Variants in CAMSAP1 observed in about 807,000 individuals in gnomAD.
CAMSAP1 encodes calmodulin regulated spectrin associated protein 1.
Under a neutral mutation model 143.5 loss-of-function variants are expected in CAMSAP1, and 58 were observed. The ratio of observed to expected loss-of-function variants is 0.40; its 90% CI spans 0.33 to 0.50. CAMSAP1 has a LOEUF of 0.50. CAMSAP1 is among the 20% of genes least tolerant of loss of function. The pLI, the probability that CAMSAP1 is intolerant of heterozygous loss-of-function variation, is 0.45. For missense variants in CAMSAP1, 1,969 were observed against 2,115.7 expected (o/e 0.93, Z 1.36); for synonymous variants, 945 against 859.3 (o/e 1.10, Z -1.74).
intron 3 of CAMSAP1, among the ~76,000 whole-genome samples, chr9:135,877,877 G>C (rs776214791): frequency 6.6e-6 from 1 of 152,142 alleles, no homozygotes; most frequent in Non-Finnish European, 1.5e-5. Context: ...AAAATAAAAA[G>C]AGCCCCTGCA....
intron 7 of CAMSAP1, chr9:135,836,649 C>T (rs188850304): frequency 5.2e-4 from 508 of 983,230 alleles, no homozygotes; most frequent in Non-Finnish European, 6.0e-4. Flanking sequence ...CACATCATCA[C>T]GCACTTTCTA....
At position 135,808,626 on chromosome 9, in the gene CAMSAP1, G is replaced by A. The variant is rs149592841; in HGVS notation, c.*2683C>T. 2.6e-5 allele frequency: 4 copies of A among 152,364 alleles called. No individual in the cohort carries two copies. In the East Asian group the frequency reaches 7.7e-4, roughly 29 times the overall value. 9.4% of individuals were successfully genotyped at this position (152,364 alleles called of 1,614,324 possible). A position where few individuals can be genotyped will look rare whatever the true frequency, so the allele number is the denominator to read the frequency against. On this transcript the variant is annotated 3_prime_UTR_variant, in exon 17 of 17. Coordinates refer to ENST00000389532, the MANE Select transcript of CAMSAP1 (RefSeq NM_015447.4). ...CAATTTTGCCTGAGTGAAGAATACAGTTTGGGCCTGAAGTCTGCTAAGAGA... is the reference window on the plus strand; with the variant it reads ...CAATTTTGCCTGAGTGAAGAATACAATTTGGGCCTGAAGTCTGCTAAGAGA...
chr9:135,850,285 T>C (rs1836727208), intron 6 of CAMSAP1, 37 bp downstream of exon 6: 4 of 1,612,418 alleles, frequency 2.5e-6, no homozygotes, highest in Non-Finnish European at 2.5e-6. Context: ...TATTCACACA[T>C]GGTTTTAAAA....
At chr9:135,862,915 C>T (rs999208230) in intron 4 of CAMSAP1, among the ~76,000 whole-genome samples, 34 of 152,072 alleles carry the variant, frequency 2.2e-4, no homozygotes, top group African/African-American at 7.7e-4. Flanking sequence ...CAGGCACACA[C>T]GGGAAAGGAC....
At position 135,818,324 on chromosome 9, in the gene CAMSAP1, T is replaced by C; in HGVS notation, c.4168+84A>G. 7.1e-7 allele frequency: 1 copy of C among 1,411,074 alleles called. No individual in the cohort carries two copies. Among genetic ancestry groups the C allele is most frequent in the South Asian group, 1.4e-5 (1 of 73,654 alleles). The allele number at this position is 1,411,074 out of a possible 1,614,324, so 87.4% of individuals were successfully genotyped here. ...CCTTCCCGCCTCACACCACTCTTGA[T>C]GACAAAATTGAAATGAGCTGAAGAA... is the stretch of plus-strand genomic sequence containing the variant. On this transcript the variant is annotated intron_variant, in intron 13 of 16. Transcript: ENST00000389532. The surrounding 1 kb of genome is among the most constrained non-coding windows in gnomAD (Gnocchi z 7.7).
intron 1 of CAMSAP1, among the ~76,000 whole-genome samples, chr9:135,899,660 A>G (rs1838559473): frequency 6.6e-6 from 1 of 151,554 alleles, no homozygotes; most frequent in Non-Finnish European, 1.5e-5. Context: ...TCGCCTTCCA[A>G]CTCTGCAGCC....
intron 1 of CAMSAP1, among the ~76,000 whole-genome samples, chr9:135,888,895 CGGAGCGCCAGGTGCACAG>C (rs932824145): frequency 9.2e-5 from 14 of 152,238 alleles, no homozygotes; most frequent in African/African-American, 2.9e-4. Context: ...ACCTTGACAG[CGGAGCGCCAGGTGCACAG>C]ACAAGCACAC....
Position 135,810,955 on chromosome 9 carries a change from T to C in CAMSAP1, c.*354A>G. Reference sequence around the variant, plus strand: ...AGCAAAGTGGATCACGTCTAATCTATGCTGAAGGAGAACTTCAAGTAAGGG... The same window carrying C: ...AGCAAAGTGGATCACGTCTAATCTACGCTGAAGGAGAACTTCAAGTAAGGG... On this transcript the variant is annotated 3_prime_UTR_variant, in exon 17 of 17. Coordinates refer to ENST00000389532, the MANE Select transcript of CAMSAP1 (RefSeq NM_015447.4). 1 of 324,404 alleles carries C rather than the reference T, an allele frequency of 3.1e-6. No individual in the cohort carries two copies. Among genetic ancestry groups the C allele is most frequent in the Non-Finnish European group, 5.8e-6 (1 of 172,490 alleles). The allele number at this position is 324,404 out of a possible 1,614,324, so 20.1% of individuals were successfully genotyped here. A position where few individuals can be genotyped will look rare whatever the true frequency, so the allele number is the denominator to read the frequency against.
intron 7 of CAMSAP1, among the ~76,000 whole-genome samples, chr9:135,849,705 A>G (rs1416994013): frequency 6.6e-6 from 1 of 152,154 alleles, no homozygotes; most frequent in East Asian, 1.9e-4. Flanking sequence ...ATGTTGCTGA[A>G]TTTGCAATCT....
chr9:135,863,161 G>A (rs557438785), intron 4 of CAMSAP1, among the ~76,000 whole-genome samples: 10 of 152,234 alleles, frequency 6.6e-5, no homozygotes, highest in Non-Finnish European at 1.3e-4. Flanking sequence ...CTCTATTAAC[G>A]GCAATGAAGC....
rs1162786202 is a variant in CAMSAP1 at position 135,824,323 on chromosome 9, T to C, written c.1316-289A>G. On this transcript the variant is annotated intron_variant, in intron 9 of 16. Coordinates refer to ENST00000389532, the MANE Select transcript of CAMSAP1 (RefSeq NM_015447.4). This position sits in a 1 kb window ranked among gnomAD's most constrained non-coding sequence, Gnocchi z 4.1. ...CAACGATATTTTCACTGCAAGACTATACATTTTGACAACACAAGTTAAAAT... is the reference window on the plus strand; with the variant it reads ...CAACGATATTTTCACTGCAAGACTACACATTTTGACAACACAAGTTAAAAT... Among the ~76,000 whole-genome samples, 3 of 152,232 alleles carry C rather than the reference T, an allele frequency of 2.0e-5. No individual in the cohort carries two copies. The highest frequency in any genetic ancestry group is 7.2e-5 in the African/African-American group (3 of 41,454).
intron 3 of CAMSAP1, among the ~76,000 whole-genome samples, chr9:135,866,947 C>G (rs1192474404): frequency 6.6e-6 from 1 of 152,228 alleles, no homozygotes; most frequent in Admixed American, 6.5e-5. Flanking sequence ...ATGGGTCACA[C>G]ATCCCAGACC....
rs200983107 is a variant in CAMSAP1, at chr9:135,822,237, C to T, written c.2424G>A (p.Ala808=). Reference sequence around the variant, plus strand: ...AGCTGGTCATCTTCACGCTCCCACTCGCCATGGAGACACTGCTCATCTGAG... The same window carrying T: ...AGCTGGTCATCTTCACGCTCCCACTTGCCATGGAGACACTGCTCATCTGAG... ...TASQMSSVSM[A]SGSVKMTSFA... Residue 808 remains alanine (A), a synonymous_variant, in exon 11 of 17, where the codon GCG becomes GCA. Transcript: ENST00000389532. This position sits in a 1 kb window ranked among gnomAD's most constrained non-coding sequence, Gnocchi z 6.1. 3 of 1,614,016 alleles carry T rather than the reference C, an allele frequency of 1.9e-6. No homozygotes were observed. Among genetic ancestry groups the T allele is most frequent in the African/African-American group, 2.7e-5 (2 of 75,072 alleles).
At chr9:135,813,197 GC>G (rs1234832338) in intron 16 of CAMSAP1, among the ~76,000 whole-genome samples, 1 of 152,170 alleles carries the variant, frequency 6.6e-6, no homozygotes, top group Non-Finnish European at 1.5e-5. Flanking sequence ...ACCTCGAAAG[GC>G]TAAGGCCTCA....
intron 1 of CAMSAP1, among the ~76,000 whole-genome samples, chr9:135,891,784 A>G (rs949675): frequency 0.016 from 2,460 of 152,336 alleles, 65 homozygotes; most frequent in African/African-American, 0.055. Context: ...AACAGCTATT[A>G]TAAGTTCCAT....
At chr9:135,830,105 A>C (rs1835808435) in intron 7 of CAMSAP1, among the ~76,000 whole-genome samples, 1 of 152,200 alleles carries the variant, frequency 6.6e-6, no homozygotes, top group African/African-American at 2.4e-5. Context: ...AAAACCATTA[A>C]CACAAAAAGC....
chr9:135,887,563 A>G (rs545291110), intron 1 of CAMSAP1, among the ~76,000 whole-genome samples: 27 of 152,302 alleles, frequency 1.8e-4, no homozygotes, highest in African/African-American at 6.0e-4. Context: ...CTGAGAAAGG[A>G]GGCCCCTCGG....
intron 3 of CAMSAP1, among the ~76,000 whole-genome samples, chr9:135,869,458 G>C (rs1040377818): frequency 6.6e-6 from 1 of 150,552 alleles, no homozygotes; most frequent in Non-Finnish European, 1.5e-5. Context: ...AGCCACGACC[G>C]CACCACTGCA....
In CAMSAP1 at chr9:135,818,115, G is replaced by A. The variant is rs753287479; in HGVS notation, c.4169-36C>T. The A allele has an allele frequency of 1.1e-5, 18 of 1,597,880 alleles. 1 individual carries two copies. The South Asian group carries it at 1.8e-4, about 16-fold the overall frequency. ...CAGAAACAGACGACGGTTCATGAAC[G>A]GATTCCGACAGACAAGTACCTGTCC... is the stretch of plus-strand genomic sequence containing the variant. On this transcript the variant is annotated intron_variant, in intron 13 of 16. Coordinates refer to ENST00000389532, the MANE Select transcript of CAMSAP1 (RefSeq NM_015447.4). The surrounding 1 kb of genome is among the most constrained non-coding windows in gnomAD (Gnocchi z 7.7).
Sources: allele counts gnomAD v4.1 joint callset (sites outside exome capture counted in the v4.1 genomes callset), GRCh38; gene constraint gnomAD v4.1.1; non-coding constraint Gnocchi (gnomAD v3.1); transcripts MANE v1.5; gene names NCBI Gene and HGNC (gene_info 2026-07-23, HGNC 2026-07-21).